Variants in TSPAN5 observed in about 807,000 individuals in gnomAD.
The protein encoded by TSPAN5 is tetraspanin-5.
A neutral mutation model predicts 37.1 loss-of-function variants in TSPAN5; 10 were observed. The observed-to-expected ratio is 0.27, with a 90% CI of 0.17 to 0.46. TSPAN5 has a LOEUF of 0.46. TSPAN5 is among the 20% of genes least tolerant of loss of function. TSPAN5 has a pLI of 1.00. For missense variants in TSPAN5, 195 were observed against 326.6 expected (o/e 0.60, Z 3.11); for synonymous variants, 110 against 118.9 (o/e 0.93, Z 0.48).
intron 7 of TSPAN5, among the ~76,000 whole-genome samples, chr4:98,475,369 C>T (rs1259469469): frequency 1.3e-5 from 2 of 152,164 alleles, no homozygotes; most frequent in Non-Finnish European, 2.9e-5. Flanking sequence ...AAGTATCACA[C>T]CAACAACATG....
At chr4:98,645,075 T>C (rs1757034084) in intron 1 of TSPAN5, among the ~76,000 whole-genome samples, 1 of 152,246 alleles carries the variant, frequency 6.6e-6, no homozygotes, top group African/African-American at 2.4e-5. Flanking sequence ...AGAGAAGTTT[T>C]AGAACGTGGC....
At chr4:98,647,246 T>C (rs1757088171) in intron 1 of TSPAN5, among the ~76,000 whole-genome samples, 1 of 152,192 alleles carries the variant, frequency 6.6e-6, no homozygotes, top group South Asian at 2.1e-4. Flanking sequence ...GATACAACTA[T>C]ACCTTAAAAG....
At chr4:98,511,293 G>A (rs1753598884) in intron 1 of TSPAN5, among the ~76,000 whole-genome samples, 1 of 152,158 alleles carries the variant, frequency 6.6e-6, no homozygotes, top group Non-Finnish European at 1.5e-5. Context: ...GCTTAATAAA[G>A]GGAATACGTT....
intron 1 of TSPAN5, among the ~76,000 whole-genome samples, chr4:98,546,840 A>G (rs766011004): frequency 3.3e-5 from 5 of 152,234 alleles, no homozygotes; most frequent in Non-Finnish European, 7.3e-5. Flanking sequence ...TTAACTAAAT[A>G]TTAGAGACTA....
chr4:98,587,887 CA>C, intron 1 of TSPAN5, among the ~76,000 whole-genome samples: 1 of 146,878 alleles, frequency 6.8e-6, no homozygotes, highest in East Asian at 2.0e-4. Context: ...GACTCCGTCT[CA>C]AAAACAGCAA....
At chr4:98,626,554 G>T (rs895727428) in intron 1 of TSPAN5, among the ~76,000 whole-genome samples, 3 of 151,716 alleles carry the variant, frequency 2.0e-5, no homozygotes, top group African/African-American at 7.3e-5. Context: ...CTCCTGCTTG[G>T]CTCCAGCCAC....
intron 1 of TSPAN5, among the ~76,000 whole-genome samples, chr4:98,547,605 C>G (rs1754498092): frequency 6.6e-6 from 1 of 152,164 alleles, no homozygotes; most frequent in South Asian, 2.1e-4. Flanking sequence ...AAGTTCAGAA[C>G]TATTTTCTGT....
intron 1 of TSPAN5, among the ~76,000 whole-genome samples, chr4:98,519,115 G>A (rs1433618497): frequency 5.9e-5 from 9 of 152,242 alleles, no homozygotes; most frequent in African/African-American, 9.6e-5. Flanking sequence ...AGAGGCAGCC[G>A]CAGCAAGATG....
At chr4:98,525,158 T>C (rs560927513) in intron 1 of TSPAN5, among the ~76,000 whole-genome samples, 1 of 152,316 alleles carries the variant, frequency 6.6e-6, no homozygotes, top group South Asian at 2.1e-4. Flanking sequence ...AAACATAAAA[T>C]GGGTCCTGCT....
Position 98,478,670 on chromosome 4 carries a change from C to T in TSPAN5, c.576+15G>A, listed in dbSNP as rs1310385609. 5 of 1,614,136 alleles carry T rather than the reference C, an allele frequency of 3.1e-6. No homozygotes were observed. The highest frequency in any genetic ancestry group is 4.2e-6 in the Non-Finnish European group (5 of 1,180,016). The stretch of plus-strand genomic sequence containing the variant: ...ATGTACAGAGTAGGCCAATAGTTCG[C>T]TGGCATTCACTTACTGCGGGATCTT... On this transcript the variant is annotated intron_variant, in intron 5 of 7. Coordinates refer to ENST00000305798, the MANE Select transcript of TSPAN5 (RefSeq NM_005723.4).
At chr4:98,485,762 CTTTTTTTT>C (rs766494512) in intron 3 of TSPAN5, among the ~76,000 whole-genome samples, 2 of 86,596 alleles carry the variant, frequency 2.3e-5, no homozygotes, top group African/African-American at 9.0e-5. Flanking sequence ...CTTGGATATG[CTTTTTTTT>C]TTTTTTTTTT....
intron 1 of TSPAN5, among the ~76,000 whole-genome samples, chr4:98,575,840 G>C (rs1755222841): frequency 6.6e-6 from 1 of 151,340 alleles, no homozygotes; most frequent in African/African-American, 2.4e-5. Context: ...GGGAGGCTGA[G>C]ACAGGCAGAT....
intron 1 of TSPAN5, among the ~76,000 whole-genome samples, chr4:98,581,129 G>T (rs1355605929): frequency 1.3e-5 from 2 of 152,148 alleles, no homozygotes; most frequent in East Asian, 3.8e-4. Context: ...TACTCATTTG[G>T]GGGAATCCCT....
chr4:98,479,119 C>T (rs558717151), intron 4 of TSPAN5, among the ~76,000 whole-genome samples: 8 of 152,210 alleles, frequency 5.3e-5, no homozygotes, highest in South Asian at 2.1e-4. Context: ...GGCTTGGGCA[C>T]GTCATTCTAG....
intron 1 of TSPAN5, among the ~76,000 whole-genome samples, chr4:98,651,624 G>T (rs1350418694): frequency 6.6e-6 from 1 of 151,996 alleles, no homozygotes; most frequent in African/African-American, 2.4e-5. Context: ...TTTTCCTATT[G>T]GTTTAATGTT....
At chr4:98,591,797 C>T (rs1305555083) in intron 1 of TSPAN5, among the ~76,000 whole-genome samples, 1 of 151,478 alleles carries the variant, frequency 6.6e-6, no homozygotes, top group Non-Finnish European at 1.5e-5. Flanking sequence ...CATTAGTCAT[C>T]ATTTATCTAT....
chr4:98,475,645 G>C (rs1371643654), intron 7 of TSPAN5, among the ~76,000 whole-genome samples: 1 of 152,110 alleles, frequency 6.6e-6, no homozygotes, highest in African/African-American at 2.4e-5. Context: ...AAAAAGACAA[G>C]GTTTCCTAAA....
In TSPAN5 at chr4:98,632,016, C is replaced by T. The variant is rs191374908; in HGVS notation, c.81+26130G>A. On this transcript the variant is annotated intron_variant, in intron 1 of 7. Transcript: ENST00000305798. Reference sequence around the variant, plus strand: ...ATCTGTGTGCCTCTCACTGAGCCCCCGCTAAACACACGACTAAAACCAGCT... The same window carrying T: ...ATCTGTGTGCCTCTCACTGAGCCCCTGCTAAACACACGACTAAAACCAGCT... Among the ~76,000 whole-genome samples, 258 of 152,238 alleles carry T rather than the reference C, an allele frequency of 1.7e-3. 3 individuals are homozygous for T. The Middle Eastern group carries it at 0.024, about 14-fold the overall frequency.
rs1159453325 is a variant in TSPAN5, at chr4:98,471,404, C to T, written c.*1118G>A. On this transcript the variant is annotated 3_prime_UTR_variant, in exon 8 of 8. Transcript: ENST00000305798. ...CCAGGGAAGCATTTGGATGGTACAG[C>T]TGGTCTCTTCCCAGCCAGACTGGGA... is the stretch of plus-strand genomic sequence containing the variant. 1 of 152,152 alleles carries T rather than the reference C, an allele frequency of 6.6e-6. No homozygotes were observed. The highest frequency in any genetic ancestry group is 2.4e-5 in the African/African-American group (1 of 41,436). 9.4% of individuals were successfully genotyped at this position (152,152 alleles called of 1,614,324 possible).
Sources: gnomAD v4.1 joint callset for allele counts (sites outside exome capture counted in the v4.1 genomes callset) on GRCh38, gnomAD v4.1.1 for gene constraint, MANE v1.5 for transcripts, NCBI Gene and HGNC (gene_info 2026-07-23, HGNC 2026-07-21) for gene names.